Variants in SYTL2 observed in about 807,000 individuals in gnomAD.
SYTL2 encodes the protein synaptotagmin like 2.
Under a neutral mutation model 198.7 loss-of-function variants are expected in SYTL2, and 165 were observed. The ratio of observed to expected loss-of-function variants is 0.83; its 90% CI spans 0.73 to 0.94. SYTL2 has a LOEUF of 0.94. Ranked by LOEUF, SYTL2 falls within the 40% of genes least tolerant of loss-of-function variation. The pLI is 0.00. For missense variants in SYTL2, 2,835 were observed against 2,582.8 expected (o/e 1.10, Z -2.12); for synonymous variants, 966 against 917.7 (o/e 1.05, Z -0.95).
chr11:85,831,695 T>C, the SYTL2 span, among the ~76,000 whole-genome samples: 9 of 152,196 alleles, frequency 5.9e-5, no homozygotes, highest in African/African-American at 2.2e-4. Flanking sequence ...ATATCCAAAC[T>C]CATAAAGATA....
Position 85,779,677 on chromosome 11 carries a change from T to C in SYTL2, c.-389-21563A>G, listed in dbSNP as rs976864149. 6.0e-5 allele frequency among the ~76,000 whole-genome samples: 9 copies of C among 151,172 alleles called. No homozygotes were observed. The East Asian group carries it at 1.8e-3, about 29-fold the overall frequency. ...TAGCAGAAGTAGGACTTAAAAAAGG[T>C]CACACTATCATGGAAAACTGAAAAT... On this transcript the variant is annotated intron_variant, in intron 1 of 19. Coordinates refer to ENST00000359152, the MANE Select transcript of SYTL2 (RefSeq NM_206927.4).
At chr11:85,716,213 C>T (rs1270567503) in intron 11 of SYTL2, 2 of 152,094 alleles carry the variant, frequency 1.3e-5, no homozygotes, top group East Asian at 3.9e-4. Context: ...CAAAACATAG[C>T]AAGATATTAT....
chr11:85,760,289 T>C (rs2092060525), intron 1 of SYTL2, among the ~76,000 whole-genome samples: 3 of 152,184 alleles, frequency 2.0e-5, no homozygotes, highest in Non-Finnish European at 4.4e-5. Context: ...TGGAAGCCAC[T>C]GAGGTTTGGG....
intron 3 of SYTL2, 21 bp downstream of exon 3, chr11:85,748,251 G>A (rs1451494092): frequency 1.2e-6 from 2 of 1,605,406 alleles, no homozygotes; most frequent in Non-Finnish European, 1.7e-6. Context: ...TGTTGTAAAT[G>A]CACTAGCCAA....
chr11:85,739,894 G>A (rs1220026579), intron 4 of SYTL2, among the ~76,000 whole-genome samples: 2 of 152,140 alleles, frequency 1.3e-5, no homozygotes, highest in Non-Finnish European at 2.9e-5. Context: ...AAGAGGACTG[G>A]AGGCAAGTCT....
At chr11:85,829,204 T>C in the SYTL2 span, among the ~76,000 whole-genome samples, 36,726 of 151,988 alleles carry the variant, frequency 0.24, 4,562 homozygotes, top group Admixed American at 0.33. Context: ...TAGTACCAAA[T>C]AGGTGGTTTT....
intron 1 of SYTL2, among the ~76,000 whole-genome samples, chr11:85,797,641 G>GA (rs1402706725): frequency 2.0e-5 from 3 of 148,836 alleles, no homozygotes; most frequent in Admixed American, 2.0e-4. Context: ...AAAAAAAAAA[G>GA]AAAAGAAAAA....
intron 4 of SYTL2, among the ~76,000 whole-genome samples, chr11:85,742,003 GA>G (rs1396623308): frequency 6.6e-6 from 1 of 152,168 alleles, no homozygotes; most frequent in Non-Finnish European, 1.5e-5. Flanking sequence ...TAAGTGCCCA[GA>G]AGAAAACCTG....
At chr11:85,752,917 TAAAAAAA>T (rs1162431708) in intron 2 of SYTL2, among the ~76,000 whole-genome samples, 85 of 17,690 alleles carry the variant, frequency 4.8e-3, no homozygotes, top group African/African-American at 0.01. Context: ...CTGCCTTCAT[TAAAAAAA>T]AAAAAAAAAA....
intron 1 of SYTL2, among the ~76,000 whole-genome samples, chr11:85,768,716 C>CA (rs2092295255): frequency 6.6e-6 from 1 of 152,190 alleles, no homozygotes; most frequent in East Asian, 1.9e-4. Context: ...CACACACTCC[C>CA]ACCCCCTGCT....
intron 1 of SYTL2, among the ~76,000 whole-genome samples, chr11:85,779,522 GTGTA>G (rs1470453471): frequency 6.6e-6 from 1 of 152,058 alleles, no homozygotes; most frequent in Non-Finnish European, 1.5e-5. Context: ...GTATAGATAT[GTGTA>G]TATATGGATA....
intron 1 of SYTL2, among the ~76,000 whole-genome samples, chr11:85,773,355 T>C (rs1382868555): frequency 6.6e-6 from 1 of 152,226 alleles, no homozygotes; most frequent in Non-Finnish European, 1.5e-5. Flanking sequence ...TAAACTTACC[T>C]TTCACACCTC....
Position 85,695,060 on chromosome 11 carries a change from G to C in SYTL2, c.*135C>G. The C allele has an allele frequency of 2.5e-6, 2 of 800,146 alleles. No homozygotes were observed. Among genetic ancestry groups the C allele is most frequent in the Non-Finnish European group, 3.8e-6 (2 of 532,700 alleles). The allele number at this position is 800,146 out of a possible 1,614,324, so 49.6% of individuals were successfully genotyped here. A position where few individuals can be genotyped will look rare whatever the true frequency, so the allele number is the denominator to read the frequency against. On this transcript the variant is annotated 3_prime_UTR_variant, in exon 20 of 20. Transcript: ENST00000359152. ...GTAATCAAAGAAGCACATGCAGATT[G>C]ACTTTTACATGCTGTGTAGTATTCC...
At chr11:85,742,465 T>C (rs2153513557) in intron 4 of SYTL2, among the ~76,000 whole-genome samples, 1 of 152,310 alleles carries the variant, frequency 6.6e-6, no homozygotes, top group African/African-American at 2.4e-5. Flanking sequence ...TGTGTACATA[T>C]TCAAGAGTTA....
chr11:85,709,055 G>T (rs1454711886), intron 14 of SYTL2, among the ~76,000 whole-genome samples: 1 of 151,874 alleles, frequency 6.6e-6, no homozygotes, highest in Admixed American at 6.6e-5. Flanking sequence ...AGCCAGGATG[G>T]TCTCGATCTC....
At chr11:85,805,870 C>T (rs1043416046) in intron 1 of SYTL2, among the ~76,000 whole-genome samples, 2 of 152,274 alleles carry the variant, frequency 1.3e-5, no homozygotes, top group East Asian at 1.9e-4. Context: ...CAACTTATCT[C>T]GGAATAATAA....
At chr11:85,846,733 T>A in the SYTL2 span, among the ~76,000 whole-genome samples, 11 of 134,558 alleles carry the variant, frequency 8.2e-5, no homozygotes, top group East Asian at 2.2e-3. Context: ...AGGTTGAAAC[T>A]ATTTTTTTTT....
At chr11:85,696,414 A>C (rs1241247751) in intron 18 of SYTL2, 26 bp from the exon 19 acceptor site, 1 of 1,567,604 alleles carries the variant, frequency 6.4e-7, no homozygotes, top group Admixed American at 1.7e-5. Context: ...TGATTGTGGG[A>C]GCATTTTAGT....
chr11:85,774,747 C>G (rs1258555836), intron 1 of SYTL2, among the ~76,000 whole-genome samples: 1 of 152,190 alleles, frequency 6.6e-6, no homozygotes, highest in East Asian at 1.9e-4. Flanking sequence ...AAAATCCTTG[C>G]ACTGATCTGG....
Sources: gnomAD v4.1 joint callset for allele counts (sites outside exome capture counted in the v4.1 genomes callset) on GRCh38, gnomAD v4.1.1 for gene constraint, MANE v1.5 for transcripts, NCBI Gene and HGNC (gene_info 2026-07-23, HGNC 2026-07-21) for gene names.